Variants in NKAIN3 observed in about 807,000 individuals in gnomAD.
The protein encoded by NKAIN3 is sodium/potassium-transporting ATPase subunit beta-1-interacting protein 3.
NKAIN3 carries 25 observed loss-of-function variants against 30.2 expected under a neutral mutation model. The observed-to-expected ratio is 0.83, with a 90% CI of 0.60 to 1.16. The LOEUF is 1.16. Ranked by LOEUF, NKAIN3 falls within the 50% of genes most tolerant of loss-of-function variation. The pLI is 0.00. For synonymous variants in NKAIN3, 91 were observed against 89.6 expected (o/e 1.02, Z -0.09); for missense variants, 225 against 254.1 (o/e 0.89, Z 0.78).
At chr8:62,861,970 A>T (rs747748074) in intron 4 of NKAIN3, among the ~76,000 whole-genome samples, 1 of 152,260 alleles carries the variant, frequency 6.6e-6, no homozygotes, top group Non-Finnish European at 1.5e-5. Flanking sequence ...ATGAAAAGTT[A>T]TAAAATATCT....
Position 62,967,041 on chromosome 8 carries a change from C to A in NKAIN3, c.*1634C>A, listed in dbSNP as rs1256244118. Among the ~76,000 whole-genome samples the A allele has an allele frequency of 6.6e-6, 1 of 152,142 alleles. No homozygotes were observed. Among genetic ancestry groups the A allele is most frequent in the Non-Finnish European group, 1.5e-5 (1 of 68,032 alleles). ...TTACTCACTAGCCTCCAGATTTTAC[C>A]CCTTTAATCCATTGGTACCCACAAA... On this transcript the variant is annotated 3_prime_UTR_variant, in exon 7 of 7. Coordinates refer to ENST00000623646, the MANE Select transcript of NKAIN3 (RefSeq NM_001304533.3).
chr8:62,776,331 C>T (rs1817190917), intron 4 of NKAIN3, among the ~76,000 whole-genome samples: 1 of 151,794 alleles, frequency 6.6e-6, no homozygotes, highest in African/African-American at 2.4e-5. Context: ...AATTTATTTT[C>T]TGAGGGTTTT....
chr8:62,753,349 C>T (rs1409049336), intron 4 of NKAIN3, among the ~76,000 whole-genome samples: 1 of 151,946 alleles, frequency 6.6e-6, no homozygotes, highest in African/African-American at 2.4e-5. Context: ...GTATTTTACT[C>T]ATTTAGCACC....
At chr8:62,883,456 G>GGTTGTTGTTGTT (rs1353393524) in intron 4 of NKAIN3, among the ~76,000 whole-genome samples, 1 of 17,228 alleles carries the variant, frequency 5.8e-5, no homozygotes, top group Admixed American at 7.0e-4. Context: ...GAGTTTTATG[G>GGTTGTTGTTGTT]GTTTTTTTTT....
At chr8:62,472,707 G>A (rs1204119708) in intron 1 of NKAIN3, among the ~76,000 whole-genome samples, 1 of 152,198 alleles carries the variant, frequency 6.6e-6, no homozygotes, top group Non-Finnish European at 1.5e-5. Flanking sequence ...TGACTGAAAA[G>A]AGTTGCAAAT....
At chr8:62,891,426 G>A (rs1174356867) in intron 4 of NKAIN3, among the ~76,000 whole-genome samples, 1 of 152,172 alleles carries the variant, frequency 6.6e-6, no homozygotes, top group Non-Finnish European at 1.5e-5. Context: ...TACTTTTGAG[G>A]TTTTGGGACT....
At chr8:62,567,951 A>G (rs1218513266) in intron 1 of NKAIN3, among the ~76,000 whole-genome samples, 2 of 152,204 alleles carry the variant, frequency 1.3e-5, no homozygotes, top group South Asian at 2.1e-4. Context: ...AATGCCATCT[A>G]TGTTTTTCAC....
intron 3 of NKAIN3, among the ~76,000 whole-genome samples, chr8:62,601,325 G>A (rs1810977415): frequency 6.6e-6 from 1 of 151,924 alleles, no homozygotes; most frequent in Non-Finnish European, 1.5e-5. Flanking sequence ...TGTTTAAAGA[G>A]GAATGGAGGT....
At chr8:62,412,327 C>G (rs1225788808) in intron 1 of NKAIN3, among the ~76,000 whole-genome samples, 1 of 138,060 alleles carries the variant, frequency 7.2e-6, no homozygotes, top group Non-Finnish European at 1.6e-5. Context: ...CAAAAAAAAA[C>G]AGTGGGGAAA....
intron 4 of NKAIN3, among the ~76,000 whole-genome samples, chr8:62,797,178 A>G (rs989058086): frequency 6.6e-6 from 1 of 152,228 alleles, no homozygotes; most frequent in Admixed American, 6.5e-5. Context: ...TCTTTAGCAG[A>G]AATCACTTTC....
At chr8:62,555,390 T>C (rs1415046386) in intron 1 of NKAIN3, among the ~76,000 whole-genome samples, 3 of 152,014 alleles carry the variant, frequency 2.0e-5, no homozygotes, top group African/African-American at 7.2e-5. Flanking sequence ...CTAAGCATAT[T>C]TGAATAAGAA....
At chr8:62,665,742 T>C (rs1358244810) in intron 3 of NKAIN3, among the ~76,000 whole-genome samples, 1 of 152,186 alleles carries the variant, frequency 6.6e-6, no homozygotes, top group Non-Finnish European at 1.5e-5. Context: ...CCCAGCATCC[T>C]GATACAGTGA....
intron 1 of NKAIN3, among the ~76,000 whole-genome samples, chr8:62,294,303 C>T (rs553694726): frequency 4.6e-5 from 7 of 152,244 alleles, no homozygotes; most frequent in South Asian, 4.1e-4. Context: ...GCATCACTTA[C>T]GCTGGGAGCT....
chr8:62,730,725 A>G (rs1356689458), intron 3 of NKAIN3, among the ~76,000 whole-genome samples: 1 of 152,138 alleles, frequency 6.6e-6, no homozygotes, highest in Non-Finnish European at 1.5e-5. Context: ...AATAATGAAG[A>G]CTTTTACCTC....
intron 1 of NKAIN3, among the ~76,000 whole-genome samples, chr8:62,363,114 A>C (rs1030206375): frequency 2.6e-5 from 4 of 152,234 alleles, no homozygotes; most frequent in Non-Finnish European, 5.9e-5. Context: ...CAGTATGACT[A>C]GTATTATGTG....
chr8:62,289,188 A>AG (rs1390099876), intron 1 of NKAIN3, among the ~76,000 whole-genome samples: 3 of 152,156 alleles, frequency 2.0e-5, no homozygotes, highest in African/African-American at 7.2e-5. Context: ...CCCATTCTGT[A>AG]GGTTGCCTGT....
intron 4 of NKAIN3, among the ~76,000 whole-genome samples, chr8:62,789,768 G>A (rs530088741): frequency 1.3e-5 from 2 of 152,212 alleles, no homozygotes; most frequent in South Asian, 4.1e-4. Flanking sequence ...CCAGGAAGAA[G>A]TTGAATCTCT....
intron 1 of NKAIN3, among the ~76,000 whole-genome samples, chr8:62,544,711 G>A (rs1808953050): frequency 8.1e-6 from 1 of 123,216 alleles, no homozygotes; most frequent in African/African-American, 2.7e-5. Flanking sequence ...TACAATATTT[G>A]TATAAAGTAC....
chr8:62,818,321 A>T (rs1038572552), intron 4 of NKAIN3, among the ~76,000 whole-genome samples: 2 of 152,312 alleles, frequency 1.3e-5, no homozygotes, highest in Middle Eastern at 6.8e-3. Context: ...CAAAAGAAAA[A>T]GTTTCAAAAC....
Sources: allele counts gnomAD v4.1 joint callset (sites outside exome capture counted in the v4.1 genomes callset), GRCh38; gene constraint gnomAD v4.1.1; transcripts MANE v1.5; gene names NCBI Gene and HGNC (gene_info 2026-07-23, HGNC 2026-07-21).